The following CFAP221 variants were observed in gnomAD, a reference collection of about 807,000 sequenced individuals.
The protein encoded by CFAP221 is cilia- and flagella-associated protein 221.
CFAP221 carries 97 observed loss-of-function variants against 113.1 expected under a neutral mutation model. The ratio of observed to expected loss-of-function variants is 0.86; its 90% CI spans 0.73 to 1.02. The LOEUF is 1.02. Among genes scored for constraint, CFAP221 ranks in the 50% least tolerant of loss-of-function variants. The probability of loss-of-function intolerance (pLI) is 0.00; values close to 1 mark genes in which losing one functional copy is unlikely to be tolerated. For missense variants in CFAP221, 1,025 were observed against 1,013.4 expected (o/e 1.01, Z -0.16); for synonymous variants, 331 against 354.4 (o/e 0.93, Z 0.74).
chr2:119,602,483 G>C (rs1269543021), intron 8 of CFAP221: 1 of 347,584 alleles, frequency 2.9e-6, no homozygotes, highest in Admixed American at 6.5e-5. Context: ...CCTCTTCTTT[G>C]CGCATGGATA....
At chr2:119,567,600 G>T (rs758363127) in intron 6 of CFAP221, among the ~76,000 whole-genome samples, 19 of 152,302 alleles carry the variant, frequency 1.2e-4, no homozygotes, top group South Asian at 4.2e-4. Context: ...AGGTTTTTGT[G>T]TGGATGTAAG....
At chr2:119,625,051 G>C (rs1360169975) in intron 14 of CFAP221, among the ~76,000 whole-genome samples, 3 of 151,928 alleles carry the variant, frequency 2.0e-5, no homozygotes, top group African/African-American at 7.3e-5. Flanking sequence ...TTACAGAATG[G>C]AAAGTGATGT....
chr2:119,588,124 A>G (rs1307561237), intron 7 of CFAP221, among the ~76,000 whole-genome samples: 4 of 152,196 alleles, frequency 2.6e-5, no homozygotes, highest in Non-Finnish European at 5.9e-5. Context: ...ACTAAACAAG[A>G]TAATATTTCA....
At chr2:119,558,399 A>C (rs1680976712) in intron 3 of CFAP221, among the ~76,000 whole-genome samples, 1 of 152,222 alleles carries the variant, frequency 6.6e-6, no homozygotes, top group African/African-American at 2.4e-5. Flanking sequence ...AGGCCAAGAG[A>C]AGCCTGGGAA....
intron 22 of CFAP221, among the ~76,000 whole-genome samples, chr2:119,649,748 A>G (rs1688012927): frequency 1.3e-5 from 2 of 152,122 alleles, no homozygotes; most frequent in Admixed American, 1.3e-4. Context: ...TTCTGTTCTG[A>G]GAGGAACAAG....
intron 6 of CFAP221, among the ~76,000 whole-genome samples, chr2:119,576,974 A>G (rs555333720): frequency 2.0e-5 from 3 of 152,180 alleles, no homozygotes; most frequent in East Asian, 1.9e-4. Context: ...CCTTCTCTCT[A>G]TGTGTATGCC....
At chr2:119,636,578 G>T (rs1211189782) in intron 19 of CFAP221, among the ~76,000 whole-genome samples, 1 of 152,156 alleles carries the variant, frequency 6.6e-6, no homozygotes, top group East Asian at 1.9e-4. Context: ...TACTGCCTGA[G>T]GTTGACAATC....
intron 7 of CFAP221, among the ~76,000 whole-genome samples, chr2:119,592,490 T>G (rs190542560): frequency 1.3e-5 from 2 of 152,344 alleles, no homozygotes; most frequent in Non-Finnish European, 2.9e-5. Context: ...TTCTATGTTG[T>G]CTATAGCATT....
rs950810058 is a variant in CFAP221 at position 119,645,072 on chromosome 2, T to C, written c.2226-1886T>C. Among the ~76,000 whole-genome samples, 10 of 146,592 alleles carry C rather than the reference T, an allele frequency of 6.8e-5. No homozygotes were observed. The Admixed American group carries it at 6.9e-4, about 10-fold the overall frequency. Reference sequence around the variant, plus strand: ...TAGTAAGTTACTTGGGTAATTTCTTTTTCTTTTCTCTTTCTTTTCTCATTC... The same window carrying C: ...TAGTAAGTTACTTGGGTAATTTCTTCTTCTTTTCTCTTTCTTTTCTCATTC... On this transcript the variant is annotated intron_variant, in intron 21 of 23. Transcript: ENST00000413369.
In CFAP221 at chr2:119,576,629, A is replaced by G. The variant is rs568776833; in HGVS notation, c.528-10490A>G. ...TTTGTGTTTATCTTTATTTGATTATATCATTAAAGTTTGTGGGACTACCGT... is the reference window on the plus strand; with the variant it reads ...TTTGTGTTTATCTTTATTTGATTATGTCATTAAAGTTTGTGGGACTACCGT... On this transcript the variant is annotated intron_variant, in intron 6 of 23. Transcript: ENST00000413369. 2.6e-5 allele frequency among the ~76,000 whole-genome samples: 4 copies of G among 152,328 alleles called. No homozygotes were observed. The South Asian group carries it at 8.3e-4, about 32-fold the overall frequency.
chr2:119,606,571 C>T (rs28645893), intron 11 of CFAP221, among the ~76,000 whole-genome samples: 5,920 of 152,150 alleles, frequency 0.039, 266 homozygotes, highest in African/African-American at 0.11. Context: ...TTTATAAACA[C>T]CTTTTCCCTA....
chr2:119,594,068 C>G (rs1041145497), intron 7 of CFAP221, among the ~76,000 whole-genome samples: 2 of 152,154 alleles, frequency 1.3e-5, no homozygotes, highest in Non-Finnish European at 2.9e-5. Context: ...AGTTCCTTTT[C>G]TTTTTCCATG....
intron 3 of CFAP221, among the ~76,000 whole-genome samples, chr2:119,559,435 G>A (rs1184055812): frequency 6.6e-6 from 1 of 152,164 alleles, no homozygotes; most frequent in African/African-American, 2.4e-5. Flanking sequence ...GTCTCGGGCT[G>A]GGGTGGGAGG....
At chr2:119,578,970 T>G (rs1168576212) in intron 6 of CFAP221, among the ~76,000 whole-genome samples, 1 of 152,202 alleles carries the variant, frequency 6.6e-6, no homozygotes, top group Non-Finnish European at 1.5e-5. Flanking sequence ...TTATATTTGC[T>G]TTCTGTAAGG....
Position 119,650,336 on chromosome 2 carries a change from G to C in CFAP221, c.2319-1638G>C, listed in dbSNP as rs1688051163. The stretch of plus-strand genomic sequence containing the variant: ...CAGTTCCGAAAAGGAATGTTGATTT[G>C]CCATCTACTCAAATCACTGCATGAC... On this transcript the variant is annotated intron_variant, in intron 22 of 23. Coordinates refer to ENST00000413369, the MANE Select transcript of CFAP221 (RefSeq NM_001271049.2). Among the ~76,000 whole-genome samples, 5 of 152,182 alleles carry C rather than the reference G, an allele frequency of 3.3e-5. No homozygotes were observed. The South Asian group carries it at 1.0e-3, about 31-fold the overall frequency.
At chr2:119,575,637 G>T (rs72963187) in intron 6 of CFAP221, among the ~76,000 whole-genome samples, 28,717 of 152,032 alleles carry the variant, frequency 0.19, 2,894 homozygotes, top group African/African-American at 0.25. Context: ...TTTCAGTTTT[G>T]CAAGATGAAA....
intron 7 of CFAP221, among the ~76,000 whole-genome samples, chr2:119,597,078 T>G (rs958516877): frequency 6.6e-6 from 1 of 152,252 alleles, no homozygotes; most frequent in Non-Finnish European, 1.5e-5. Flanking sequence ...AAAGACAATT[T>G]AATACACAAT....
At chr2:119,554,388 A>G (rs912754241) in intron 3 of CFAP221, among the ~76,000 whole-genome samples, 3 of 152,204 alleles carry the variant, frequency 2.0e-5, no homozygotes, top group African/African-American at 7.2e-5. Flanking sequence ...AAGACCCCTT[A>G]AATTTGTTTT....
At chr2:119,654,772 C>A (rs1293921439) in intron 23 of CFAP221, among the ~76,000 whole-genome samples, 1 of 152,134 alleles carries the variant, frequency 6.6e-6, no homozygotes, top group Non-Finnish European at 1.5e-5. Context: ...TTTAATTTAC[C>A]TCTTTGGCAG....
Sources: gnomAD v4.1 joint callset for allele counts (sites outside exome capture counted in the v4.1 genomes callset) on GRCh38, gnomAD v4.1.1 for gene constraint, MANE v1.5 for transcripts, NCBI Gene and HGNC (gene_info 2026-07-23, HGNC 2026-07-21) for gene names.